GRIK4: variants seen among roughly 807,000 people sequenced by gnomAD.
The protein encoded by GRIK4 is glutamate receptor ionotropic, kainate 4.
Under a neutral mutation model 104.9 loss-of-function variants are expected in GRIK4, and 40 were observed. The ratio of observed to expected loss-of-function variants is 0.38; its 90% CI spans 0.30 to 0.50. The LOEUF (loss-of-function observed/expected upper bound fraction) is 0.50, where lower values mean the gene tolerates loss of function less well. GRIK4 is among the 20% of genes least tolerant of loss of function. The pLI is 0.93. For synonymous variants in GRIK4, 485 were observed against 524.9 expected, an observed-to-expected ratio of 0.92 and a Z score of 1.04; for missense variants, 1,047 against 1,308.1, an observed-to-expected ratio of 0.80 and a Z score of 3.08.
intron 11 of GRIK4, among the ~76,000 whole-genome samples, chr11:120,886,519 A>G (rs1268364921): frequency 1.3e-5 from 2 of 152,232 alleles, no homozygotes; most frequent in African/African-American, 4.8e-5. Context: ...GCAAACAGCA[A>G]CACATGTAAA....
rs530936329 is a variant in GRIK4, at chr11:120,893,299, T to C, written c.1165-5233T>C. ...GGGATGTTGGGTAAATGATACATTC[T>C]ATGTACGTGCAAACACATCCCATAT... On this transcript the variant is annotated intron_variant, in intron 11 of 20. Transcript: ENST00000527524. Among the ~76,000 whole-genome samples the C allele has an allele frequency of 4.6e-5, 7 of 152,384 alleles. No homozygotes were observed. The East Asian group carries it at 1.3e-3, about 29-fold the overall frequency.
At chr11:120,640,833 T>G (rs1340388176) in intron 1 of GRIK4, among the ~76,000 whole-genome samples, 1 of 152,104 alleles carries the variant, frequency 6.6e-6, no homozygotes, top group Non-Finnish European at 1.5e-5. Context: ...CTCAGCCTCC[T>G]GAGTAGCTGG....
At chr11:120,574,039 C>T (rs982966951) in intron 1 of GRIK4, among the ~76,000 whole-genome samples, 5 of 152,182 alleles carry the variant, frequency 3.3e-5, no homozygotes, top group Admixed American at 6.5e-5. Flanking sequence ...CCCCTGGGAC[C>T]GACACTGGTG....
At chr11:120,516,598 G>T (rs984881125) in intron 1 of GRIK4, among the ~76,000 whole-genome samples, 1 of 152,162 alleles carries the variant, frequency 6.6e-6, no homozygotes, top group Non-Finnish European at 1.5e-5. Context: ...AGATTCGTGG[G>T]CAGAGGAGTG....
In GRIK4 at chr11:120,819,831, C is replaced by T; in HGVS notation, c.422C>T (p.Pro141Leu). The T allele has an allele frequency of 6.2e-7, 1 of 1,614,078 alleles. No individual in the cohort carries two copies. Among genetic ancestry groups the T allele is most frequent in the Non-Finnish European group, 8.5e-7 (1 of 1,179,932 alleles). ...FQRFTTLNLH[P>L]SNTDISVAVA... ...AGATTCACAACCCTGAACCTCCACC[C>T]CAGCAACACTGACATCAGCGTGGCT... Residue 141 changes from proline to leucine, a missense_variant, in exon 6 of 21, where the codon CCC becomes CTC. Physicochemically the swap from Pro to Leu is moderately conservative, Grantham distance 98. Around this residue, in one of 3 missense-constraint regions of GRIK4, gnomAD observed 447 missense variants for 514.9 expected, o/e 0.87. Coordinates refer to ENST00000527524, the MANE Select transcript of GRIK4 (RefSeq NM_014619.5). The surrounding 1 kb of genome is among the most constrained non-coding windows in gnomAD (Gnocchi z 4.3).
intron 8 of GRIK4, among the ~76,000 whole-genome samples, chr11:120,851,686 A>G (rs1415178990): frequency 6.6e-6 from 1 of 152,164 alleles, no homozygotes; most frequent in Admixed American, 6.5e-5. Context: ...AAAATCTGTT[A>G]TGCATATCCC....
At chr11:120,646,175 G>C (rs141547268) in intron 1 of GRIK4, among the ~76,000 whole-genome samples, 1 of 152,284 alleles carries the variant, frequency 6.6e-6, no homozygotes, top group East Asian at 1.9e-4. Context: ...TTTGGCTTTG[G>C]ACAATAATAG....
chr11:120,941,476 A>G (rs565659312), intron 14 of GRIK4, among the ~76,000 whole-genome samples: 27 of 152,174 alleles, frequency 1.8e-4, no homozygotes, highest in African/African-American at 6.5e-4. Flanking sequence ...GTTGTTGTTA[A>G]GGGTTGAATT....
At position 120,723,949 on chromosome 11, in the gene GRIK4, C is replaced by T. The variant is rs1484597911; in HGVS notation, c.82+63549C>T. 2.6e-5 allele frequency among the ~76,000 whole-genome samples: 4 copies of T among 152,158 alleles called. No homozygotes were observed. The East Asian group carries it at 7.7e-4, about 29-fold the overall frequency. On this transcript the variant is annotated intron_variant, in intron 3 of 20. Transcript: ENST00000527524. ...ACCATTGCAGTGCCCTGGAAACTCC[C>T]TTGTGCTCAGCCCCCTCTCCCTACC... is the stretch of plus-strand genomic sequence containing the variant.
chr11:120,825,335 A>G (rs936886395), intron 6 of GRIK4, among the ~76,000 whole-genome samples: 3 of 151,972 alleles, frequency 2.0e-5, no homozygotes, highest in East Asian at 1.9e-4. Context: ...TTTACCCTCT[A>G]CCTCTGTTGT....
At chr11:120,631,258 G>T (rs1949329471) in intron 1 of GRIK4, among the ~76,000 whole-genome samples, 1 of 152,212 alleles carries the variant, frequency 6.6e-6, no homozygotes, top group Admixed American at 6.5e-5. Context: ...GCTCAATGGG[G>T]ATTCCCAAGT....
intron 1 of GRIK4, among the ~76,000 whole-genome samples, chr11:120,614,341 C>T (rs892354651): frequency 5.9e-5 from 9 of 152,268 alleles, no homozygotes; most frequent in South Asian, 4.2e-4. Flanking sequence ...TGTGGCCACC[C>T]GGGGCCCAAT....
Position 120,563,363 on chromosome 11 carries a change from C to T in GRIK4, c.-159+51476C>T, listed in dbSNP as rs1371754181. Among the ~76,000 whole-genome samples the T allele has an allele frequency of 3.3e-5, 5 of 152,096 alleles. No homozygotes were observed. The East Asian group carries it at 5.8e-4, about 18-fold the overall frequency. ...AGCTTCTCTGGGCTCCAGAGAACAA[C>T]TTCTGGGGCCTGGAAGAACCCTGTG... is the stretch of plus-strand genomic sequence containing the variant. On this transcript the variant is annotated intron_variant, in intron 1 of 20. Transcript: ENST00000527524.
chr11:120,608,777 C>T (rs912836299), intron 1 of GRIK4, among the ~76,000 whole-genome samples: 2 of 152,200 alleles, frequency 1.3e-5, no homozygotes, highest in South Asian at 4.1e-4. Flanking sequence ...CTCCTCTGCC[C>T]CCAGCCCCAC....
chr11:120,526,996 C>T (rs950817205), intron 1 of GRIK4, among the ~76,000 whole-genome samples: 1 of 152,238 alleles, frequency 6.6e-6, no homozygotes, highest in Non-Finnish European at 1.5e-5. Flanking sequence ...GCAGAAGAAA[C>T]ATTTTCTCAT....
intron 9 of GRIK4, chr11:120,868,414 G>C (rs1954484582): frequency 6.6e-6 from 1 of 152,008 alleles, no homozygotes; most frequent in African/African-American, 2.4e-5. Context: ...GAAGAGACAG[G>C]GACAGGAGAA....
At chr11:120,615,374 A>G (rs1949097741) in intron 1 of GRIK4, among the ~76,000 whole-genome samples, 1 of 152,236 alleles carries the variant, frequency 6.6e-6, no homozygotes, top group Admixed American at 6.5e-5. Flanking sequence ...GACACCAAAA[A>G]TAAGATTCAA....
At chr11:120,646,269 C>A (rs1250011448) in intron 1 of GRIK4, among the ~76,000 whole-genome samples, 2 of 152,212 alleles carry the variant, frequency 1.3e-5, no homozygotes, top group Non-Finnish European at 1.5e-5. Context: ...TATTTGACAG[C>A]AACCTTAGGA....
At chr11:120,751,786 G>T (rs551584894) in intron 3 of GRIK4, among the ~76,000 whole-genome samples, 1 of 152,144 alleles carries the variant, frequency 6.6e-6, no homozygotes, top group African/African-American at 2.4e-5. Flanking sequence ...CTGGGCTTCC[G>T]GGCTGGCTCC....
Sources: gnomAD v4.1 joint callset for allele counts (sites outside exome capture counted in the v4.1 genomes callset) on GRCh38, gnomAD v4.1.1 for gene constraint, gnomAD v4.1.1 regional missense constraint, Gnocchi (gnomAD v3.1) non-coding constraint, MANE v1.5 for transcripts, NCBI Gene and HGNC (gene_info 2026-07-23, HGNC 2026-07-21) for gene names.